The following XKRX variants were observed in gnomAD, a reference collection of about 807,000 sequenced individuals.
The protein encoded by XKRX is XK related X-linked, also known as XK-related protein 2.
In XKRX, 11 loss-of-function variants were observed where a neutral mutation model predicts 22.4. The observed-to-expected ratio is 0.49, with a 90% confidence interval of 0.31 to 0.81. The LOEUF is 0.81. XKRX is among the 40% of genes least tolerant of loss of function. The pLI is 0.05. For synonymous variants in XKRX, 114 were observed against 132.2 expected, an observed-to-expected ratio of 0.86 and a Z score of 0.94; for missense variants, 320 against 336.5, an observed-to-expected ratio of 0.95 and a Z score of 0.38.
the XKRX span, among the ~76,000 whole-genome samples, chrX:100,958,806 C>T: frequency 8.9e-6 from 1 of 111,829 alleles, no homozygotes; most frequent in Non-Finnish European, 1.9e-5. Flanking sequence ...AATTTTTTAA[C>T]CTTCAGCTTT....
chrX:100,913,383 T>TACACACACACACACACACACAC (rs56001687), downstream of XKRX: 1 of 92,362 alleles, frequency 1.1e-5, no homozygotes, highest in Non-Finnish European at 2.1e-5. Flanking sequence ...CACATACACA[T>TACACACACACACACACACACAC]ACACACACAC....
the XKRX span, among the ~76,000 whole-genome samples, chrX:100,952,293 G>A: frequency 1.4e-4 from 15 of 110,318 alleles, no homozygotes; most frequent in African/African-American, 5.0e-4. Context: ...AGGAATACAA[G>A]GTAACTTCAT....
Position 100,914,126 on chromosome X carries a change from C to A in XKRX, c.*212G>T. 2.2e-6 allele frequency: 1 copy of A among 452,111 alleles called. No individual in the cohort carries two copies. The highest frequency in any genetic ancestry group is 3.5e-5 in the East Asian group (1 of 28,271). The allele number at this position is 452,111 out of a possible 1,213,427, so 37.3% of individuals were successfully genotyped here. A position where few individuals can be genotyped will look rare whatever the true frequency, so the allele number is the denominator to read the frequency against. On this transcript the variant is annotated 3_prime_UTR_variant, in exon 3 of 3. Transcript: ENST00000372956. Reference sequence around the variant, plus strand: ...TGAATGGTATTTCTGACCCTTTCAACTATATAGTCGATACCCCCTGTTTCC... The same window carrying A: ...TGAATGGTATTTCTGACCCTTTCAAATATATAGTCGATACCCCCTGTTTCC...
the XKRX span, among the ~76,000 whole-genome samples, chrX:100,954,815 A>AAAAGTGCCTG: frequency 2.7e-5 from 3 of 112,583 alleles, no homozygotes; most frequent in African/African-American, 9.7e-5. Context: ...GTCACAAAAG[A>AAAAGTGCCTG]TTACATATTG....
At chrX:100,911,001 G>A (rs1047657299), downstream of XKRX, 32 of 559,384 alleles carry the variant, frequency 5.7e-5, no homozygotes, top group Non-Finnish European at 8.2e-5. Context: ...GCACAATCTC[G>A]AGCTACAGTA....
At chrX:100,916,230 A>C in intron 2 of XKRX, among the ~76,000 whole-genome samples, 1 of 111,595 alleles carries the variant, frequency 9.0e-6, no homozygotes, top group East Asian at 2.8e-4. Flanking sequence ...ATATACAATA[A>C]AACAAAATAG....
At chrX:100,896,255 T>C in the XKRX span, among the ~76,000 whole-genome samples, 1 of 111,626 alleles carries the variant, frequency 9.0e-6, no homozygotes, top group Non-Finnish European at 1.9e-5. Context: ...AAAGACATAC[T>C]GGAAAAAAAT....
the XKRX span, among the ~76,000 whole-genome samples, chrX:100,942,584 A>T: frequency 8.9e-6 from 1 of 111,878 alleles, no homozygotes; most frequent in African/African-American, 3.2e-5. Flanking sequence ...TACCCTGTAG[A>T]CCCTGTACAT....
chrX:100,942,949 C>G, the XKRX span, among the ~76,000 whole-genome samples: 118 of 111,714 alleles, frequency 1.1e-3, no homozygotes, highest in Non-Finnish European at 1.9e-3. Context: ...TCCACTCCCC[C>G]CAAACTCACC....
downstream of XKRX, among the ~76,000 whole-genome samples, chrX:100,908,612 CAT>C (rs2085396527): frequency 8.9e-6 from 1 of 111,867 alleles, no homozygotes. Context: ...AGATTATGGA[CAT>C]ATGTGTCCTC....
the XKRX span, among the ~76,000 whole-genome samples, chrX:100,902,950 TG>T: frequency 5.0e-4 from 54 of 108,872 alleles, no homozygotes; most frequent in African/African-American, 1.7e-3. Flanking sequence ...GGGGTTTCAC[TG>T]TGTTAGCCAG....
chrX:100,919,575 C>T (rs762545065), intron 2 of XKRX, among the ~76,000 whole-genome samples: 25 of 111,701 alleles, frequency 2.2e-4, no homozygotes, highest in African/African-American at 7.4e-4. Context: ...ATGAAAAAGA[C>T]AACCCACTAG....
At chrX:100,917,714 G>T (rs189580131) in intron 2 of XKRX, among the ~76,000 whole-genome samples, 231 of 104,953 alleles carry the variant, frequency 2.2e-3, no homozygotes, top group African/African-American at 5.9e-3. Context: ...AAGAAAGAAA[G>T]AAAGAAAGAA....
chrX:100,891,575 G>C, the XKRX span, among the ~76,000 whole-genome samples: 2 of 109,417 alleles, frequency 1.8e-5, no homozygotes, highest in African/African-American at 6.7e-5. Context: ...GGTACCAATG[G>C]GGAAACAGCA....
Position 100,922,803 on chromosome X carries a change from G to C in XKRX, c.594C>G (p.Pro198=). 8.3e-7 allele frequency: 1 copy of C among 1,210,435 alleles called. No individual in the cohort carries two copies. The highest frequency in any genetic ancestry group is 1.7e-5 in the African/African-American group (1 of 57,669). ...LYVSLISAEV[P]LGRVVLMVFS... is the part of the protein sequence containing the mutation. The stretch of plus-strand genomic sequence containing the variant: ...CCTGACCCCACTCACCTCTACCCAG[G>C]GGAACCTCTGCAGAGATCAGGCTCA... Residue 198 remains proline (P), a synonymous_variant, in exon 2 of 3, where the codon CCC becomes CCG. Coordinates refer to ENST00000372956, the MANE Select transcript of XKRX (RefSeq NM_212559.3).
chrX:100,957,491 G>T, the XKRX span: 34 of 1,187,792 alleles, frequency 2.9e-5, no homozygotes, highest in Middle Eastern at 2.3e-4. Context: ...AAATAGAGAC[G>T]CATCTTCATA....
At chrX:100,913,383 TAC>T (rs56001687), downstream of XKRX, 24,206 of 92,054 alleles carry the variant, frequency 0.26, 2,921 homozygotes, top group African/African-American at 0.43. Flanking sequence ...CACATACACA[TAC>T]ACACACACAC....
At position 100,928,685 on chromosome X, in the gene XKRX, C is replaced by T; in HGVS notation, c.-381G>A. On this transcript the variant is annotated 5_prime_UTR_variant, in exon 1 of 3. Transcript: ENST00000372956. ...TTCCGTGGCGGCTCCTTTCGCAGCCCCTCAGGCAGGGTGTAGCCGATCTGT... is the reference window on the plus strand; with the variant it reads ...TTCCGTGGCGGCTCCTTTCGCAGCCTCTCAGGCAGGGTGTAGCCGATCTGT... 1 of 790,821 alleles carries T rather than the reference C, an allele frequency of 1.3e-6. No homozygotes were observed. The highest frequency in any genetic ancestry group is 1.5e-6 in the Non-Finnish European group (1 of 663,749). 65.2% of individuals were successfully genotyped at this position (790,821 alleles called of 1,213,427 possible).
chrX:100,927,878 C>A, intron 1 of XKRX, 92 bp downstream of exon 1: 1 of 1,026,772 alleles, frequency 9.7e-7, no homozygotes, highest in South Asian at 2.4e-5. Flanking sequence ...TTGATTAGAG[C>A]CATAGTATCC....
Sources: gnomAD v4.1 joint callset for allele counts (sites outside exome capture counted in the v4.1 genomes callset) on GRCh38, gnomAD v4.1.1 for gene constraint, MANE v1.5 for transcripts, NCBI Gene and HGNC (gene_info 2026-07-23, HGNC 2026-07-21) for gene names.